Variants in ZNF83 observed in about 807,000 individuals in gnomAD.
The protein encoded by ZNF83 is zinc finger protein 83, also known as zinc finger protein 816B.
For synonymous variants in ZNF83, 209 were observed against 213.0 expected (o/e 0.98, Z 0.17); for missense variants, 552 against 629.9 (o/e 0.88, Z 1.32).
intron 3 of ZNF83, chr19:52,655,298 A>T: frequency 3.0e-6 from 1 of 336,614 alleles, no homozygotes; most frequent in African/African-American, 2.2e-5. Context: ...CAGGGCTACC[A>T]GGGGCATCTC....
chr19:52,615,760 T>C (rs1012713433), intron 2 of ZNF83, among the ~76,000 whole-genome samples: 9 of 152,242 alleles, frequency 5.9e-5, no homozygotes, highest in Admixed American at 1.3e-4. Context: ...GTATTTCTTA[T>C]GGCAGGCTGA....
chr19:52,619,615 G>GACTC (rs1285286848), intron 2 of ZNF83, among the ~76,000 whole-genome samples: 1 of 147,082 alleles, frequency 6.8e-6, no homozygotes, highest in Non-Finnish European at 1.5e-5. Context: ...AACAGAGTGA[G>GACTC]ACTCCATCTC....
intron 3 of ZNF83, among the ~76,000 whole-genome samples, chr19:52,650,139 C>G (rs1025976781): frequency 1.3e-5 from 2 of 152,036 alleles, no homozygotes; most frequent in Non-Finnish European, 2.9e-5. Flanking sequence ...AAAAAAAAAT[C>G]CCACTTAAGG....
chr19:52,677,235 G>C (rs534857091), intron 1 of ZNF83, among the ~76,000 whole-genome samples: 5 of 150,690 alleles, frequency 3.3e-5, no homozygotes. Flanking sequence ...CACAAAGCAT[G>C]AGTGAGACTG....
chr19:52,673,025 G>T (rs962505517), intron 1 of ZNF83, among the ~76,000 whole-genome samples: 5 of 152,094 alleles, frequency 3.3e-5, no homozygotes, highest in Non-Finnish European at 7.4e-5. Context: ...GCCAGGTGTG[G>T]TGGCTCAAAC....
At chr19:52,660,035 C>A (rs1490390885) in intron 2 of ZNF83, among the ~76,000 whole-genome samples, 1 of 151,882 alleles carries the variant, frequency 6.6e-6, no homozygotes, top group African/African-American at 2.4e-5. Flanking sequence ...ACTAAAAATA[C>A]AAAAAATTAG....
chr19:52,613,178 C>G, exon 3 of ZNF83: 1 of 1,614,090 alleles, frequency 6.2e-7, no homozygotes, highest in South Asian at 1.1e-5. Flanking sequence ...AAAGCTTTGC[C>G]ACATTCATTA....
intron 3 of ZNF83, chr19:52,654,511 T>C: frequency 2.1e-6 from 1 of 480,822 alleles, no homozygotes; most frequent in East Asian, 3.5e-5. Flanking sequence ...ATTTTAAAAT[T>C]CCCAAATATG....
intron 2 of ZNF83, among the ~76,000 whole-genome samples, chr19:52,658,755 T>C (rs1291162924): frequency 6.6e-6 from 1 of 152,096 alleles, no homozygotes; most frequent in Non-Finnish European, 1.5e-5. Flanking sequence ...GTTAAGCCTG[T>C]TTACCCTACC....
At chr19:52,630,948 C>T (rs12610788) in intron 2 of ZNF83, among the ~76,000 whole-genome samples, 1 of 148,140 alleles carries the variant, frequency 6.8e-6, no homozygotes, top group Admixed American at 6.9e-5. Flanking sequence ...CCTATCCACC[C>T]CATGGTGCCA....
At chr19:52,686,660 A>G (rs148366971) in intron 1 of ZNF83, among the ~76,000 whole-genome samples, 6 of 151,908 alleles carry the variant, frequency 3.9e-5, no homozygotes, top group African/African-American at 9.7e-5. Flanking sequence ...TGCAACCTCT[A>G]CCTCCCAGGT....
intron 1 of ZNF83, among the ~76,000 whole-genome samples, chr19:52,687,074 A>C (rs921002385): frequency 1.3e-5 from 2 of 151,458 alleles, no homozygotes; most frequent in Admixed American, 6.6e-5. Context: ...CCAACTACTC[A>C]GGAGGCTAAG....
chr19:52,669,202 A>G (rs1170323906), intron 1 of ZNF83, among the ~76,000 whole-genome samples: 1 of 152,178 alleles, frequency 6.6e-6, no homozygotes, highest in Non-Finnish European at 1.5e-5. Flanking sequence ...CATTTCATCA[A>G]CCAGAGAAAG....
chr19:52,645,855 C>T (rs941313063), intron 3 of ZNF83, among the ~76,000 whole-genome samples: 3 of 149,334 alleles, frequency 2.0e-5, no homozygotes, highest in Non-Finnish European at 3.0e-5. Context: ...GAAGAGGAAA[C>T]AGAAAAAAAA....
chr19:52,645,004 C>T (rs1260899814), intron 3 of ZNF83, among the ~76,000 whole-genome samples: 1 of 139,908 alleles, frequency 7.1e-6, no homozygotes, highest in Admixed American at 7.5e-5. Context: ...GAGCAAAACT[C>T]CATCTTAAAA....
chr19:52,619,188 T>G, intron 2 of ZNF83: 2 of 1,603,030 alleles, frequency 1.2e-6, no homozygotes, highest in South Asian at 2.2e-5. Context: ...GAGTAAGGGA[T>G]TTTTCACCAC....
chr19:52,635,309 G>A (rs971742358), intron 1 of ZNF83, 156 bp from the exon 2 acceptor site: 9 of 416,324 alleles, frequency 2.2e-5, no homozygotes, highest in East Asian at 7.5e-5. Context: ...GAAAACTCCC[G>A]CACCCTTCTG....
At chr19:52,677,292 G>C (rs1168285427) in intron 1 of ZNF83, among the ~76,000 whole-genome samples, 1 of 124,780 alleles carries the variant, frequency 8.0e-6, no homozygotes, top group Non-Finnish European at 1.7e-5. Context: ...ATTAAAGACA[G>C]ACAAATTGAG....
chr19:52,631,168 G>A (rs926317445), intron 2 of ZNF83, among the ~76,000 whole-genome samples: 1 of 148,126 alleles, frequency 6.8e-6, no homozygotes, highest in Non-Finnish European at 1.5e-5. Flanking sequence ...CATTACTTCA[G>A]TCAAGCCCAA....
Sources: gnomAD v4.1 joint callset for allele counts (sites outside exome capture counted in the v4.1 genomes callset) on GRCh38, gnomAD v4.1.1 for gene constraint, MANE v1.5 for transcripts, NCBI Gene and HGNC (gene_info 2026-07-23, HGNC 2026-07-21) for gene names.